The following GRIN2B variants were observed in gnomAD, a reference collection of about 807,000 sequenced individuals.
The protein encoded by GRIN2B is glutamate receptor ionotropic, NMDA 2B.
GRIN2B carries 5 observed loss-of-function variants against 114.5 expected under a neutral mutation model. The observed-to-expected ratio is 0.04, with a 90% CI of 0.02 to 0.09. The LOEUF (loss-of-function observed/expected upper bound fraction) is 0.09, where lower values mean the gene tolerates loss of function less well. Among genes scored for constraint, GRIN2B ranks in the 10% least tolerant of loss-of-function variants. The probability of loss-of-function intolerance (pLI) is 1.00; values close to 1 mark genes in which losing one functional copy is unlikely to be tolerated. For synonymous variants in GRIN2B, 787 were observed against 745.1 expected, an observed-to-expected ratio of 1.06 and a Z score of -0.92; for missense variants, 1,108 against 1,943.5, an observed-to-expected ratio of 0.57 and a Z score of 8.08.
rs1370487022 is a variant in GRIN2B, at chr12:13,541,596, T to G, written c.*21187A>C. The G allele has an allele frequency of 6.6e-6, 1 of 152,202 alleles. No individual in the cohort carries two copies. Among genetic ancestry groups the G allele is most frequent in the Non-Finnish European group, 1.5e-5 (1 of 68,040 alleles). 9.4% of individuals were successfully genotyped at this position (152,202 alleles called of 1,614,324 possible). On this transcript the variant is annotated 3_prime_UTR_variant, in exon 14 of 14. Coordinates refer to ENST00000609686, the MANE Select transcript of GRIN2B (RefSeq NM_000834.5). ...TATGACTGAGTTGGCTGTGATACCTTAAGAACTCAAGATGTGGCGTTAGAT... is the reference window on the plus strand; with the variant it reads ...TATGACTGAGTTGGCTGTGATACCTGAAGAACTCAAGATGTGGCGTTAGAT...
At chr12:13,570,269 A>G (rs1483920459) in intron 11 of GRIN2B, among the ~76,000 whole-genome samples, 1 of 152,228 alleles carries the variant, frequency 6.6e-6, no homozygotes, top group East Asian at 1.9e-4. Flanking sequence ...CCTGAAGCCA[A>G]CTCATAAACT....
chr12:13,715,029 C>G (rs116614693), intron 4 of GRIN2B, among the ~76,000 whole-genome samples: 4,510 of 151,884 alleles, frequency 0.03, 223 homozygotes, highest in African/African-American at 0.1. Context: ...TCTCGTAGTT[C>G]TTAGCGCATT....
chr12:13,963,657 C>T (rs1410551784), intron 2 of GRIN2B, among the ~76,000 whole-genome samples: 1 of 152,174 alleles, frequency 6.6e-6, no homozygotes, highest in Non-Finnish European at 1.5e-5. Flanking sequence ...CAAAGTCACT[C>T]GGTGGCAATT....
intron 2 of GRIN2B, among the ~76,000 whole-genome samples, chr12:13,977,669 G>C (rs1863049546): frequency 6.6e-6 from 1 of 152,038 alleles, no homozygotes; most frequent in Non-Finnish European, 1.5e-5. Context: ...TGCTGTGAGG[G>C]GGAAAAAGGG....
chr12:13,780,446 A>G (rs1181903279), intron 3 of GRIN2B, among the ~76,000 whole-genome samples: 1 of 152,336 alleles, frequency 6.6e-6, no homozygotes, highest in South Asian at 2.1e-4. Context: ...AGCAGTTGTC[A>G]TATCCATTCC....
chr12:13,621,248 T>C (rs989729400), intron 5 of GRIN2B, among the ~76,000 whole-genome samples: 1 of 152,086 alleles, frequency 6.6e-6, no homozygotes, highest in South Asian at 2.1e-4. Context: ...AGCAAACATC[T>C]TGAAAGTGCA....
At chr12:13,871,143 CAT>C (rs1865899005) in intron 2 of GRIN2B, among the ~76,000 whole-genome samples, 1 of 151,918 alleles carries the variant, frequency 6.6e-6, no homozygotes, top group Admixed American at 6.6e-5. Context: ...TTAACTAAGA[CAT>C]AAAAGATTTT....
In GRIN2B at chr12:13,562,144, A is replaced by G. The variant is rs200565873; in HGVS notation, c.*639T>C. Reference sequence around the variant, plus strand: ...TGTTCAAGAATCCACTCTGCCACCAATGACCTTTTGTTCTGTTCACCACCA... The same window carrying G: ...TGTTCAAGAATCCACTCTGCCACCAGTGACCTTTTGTTCTGTTCACCACCA... On this transcript the variant is annotated 3_prime_UTR_variant, in exon 14 of 14. Coordinates refer to ENST00000609686, the MANE Select transcript of GRIN2B (RefSeq NM_000834.5). 313 of 152,754 alleles carry G rather than the reference A, an allele frequency of 2.0e-3. No homozygotes were observed. Among genetic ancestry groups the G allele is most frequent in the African/African-American group, 7.2e-3 (299 of 41,564 alleles). The allele number at this position is 152,754 out of a possible 1,614,324, so 9.5% of individuals were successfully genotyped here.
intron 3 of GRIN2B, 71 bp downstream of exon 3, chr12:13,865,727 C>T (rs911689080): frequency 7.0e-5 from 90 of 1,286,448 alleles, no homozygotes; most frequent in Non-Finnish European, 9.1e-5. Flanking sequence ...TCAAGTTTTA[C>T]AGGAAAACAA....
intron 3 of GRIN2B, among the ~76,000 whole-genome samples, chr12:13,761,050 G>T (rs1313248336): frequency 6.6e-6 from 1 of 152,118 alleles, no homozygotes; most frequent in Non-Finnish European, 1.5e-5. Context: ...AACACACAAT[G>T]GAAGCATATT....
chr12:13,636,474 G>A lies in GRIN2B; in HGVS notation c.1126-19817C>T, dbSNP rs371541882. Among the ~76,000 whole-genome samples, 6 of 152,216 alleles carry A rather than the reference G, an allele frequency of 3.9e-5. No individual in the cohort carries two copies. In the East Asian group the frequency reaches 1.2e-3, roughly 29 times the overall value. On this transcript the variant is annotated intron_variant, in intron 5 of 13. Coordinates refer to ENST00000609686, the MANE Select transcript of GRIN2B (RefSeq NM_000834.5). ...CACAGGAATTGACTAAGGGGAGCAA[G>A]AGTGGATGCAAAAGACAAGGGAACA... is the stretch of plus-strand genomic sequence containing the variant.
At chr12:13,888,435 A>AC in intron 2 of GRIN2B, among the ~76,000 whole-genome samples, 1 of 38,452 alleles carries the variant, frequency 2.6e-5, no homozygotes, top group South Asian at 6.9e-4. Flanking sequence ...AGCATAAAAG[A>AC]TAAAAAAAAA....
At chr12:13,786,957 A>AG (rs1864233501) in intron 3 of GRIN2B, among the ~76,000 whole-genome samples, 3 of 151,872 alleles carry the variant, frequency 2.0e-5, no homozygotes, top group Admixed American at 2.0e-4. Context: ...GCTTCAAAGG[A>AG]GAAAAAAAAA....
At chr12:13,721,319 T>C (rs575896766) in intron 4 of GRIN2B, among the ~76,000 whole-genome samples, 1 of 152,040 alleles carries the variant, frequency 6.6e-6, no homozygotes, top group East Asian at 1.9e-4. Context: ...CAGGAGGCCA[T>C]TGAAAAATTT....
chr12:13,800,080 C>T (rs150727115), intron 3 of GRIN2B, among the ~76,000 whole-genome samples: 670 of 152,242 alleles, frequency 4.4e-3, no homozygotes, highest in Non-Finnish European at 7.0e-3. Context: ...CAAACCCAAC[C>T]GATGTGTGCC....
intron 12 of GRIN2B, among the ~76,000 whole-genome samples, chr12:13,567,702 A>G (rs913104423): frequency 6.6e-6 from 1 of 152,098 alleles, no homozygotes; most frequent in African/African-American, 2.4e-5. Context: ...ATGAATTTTA[A>G]TTTACATTGT....
chr12:13,836,903 G>A (rs1004917053), intron 3 of GRIN2B, among the ~76,000 whole-genome samples: 4 of 152,194 alleles, frequency 2.6e-5, no homozygotes, highest in South Asian at 4.1e-4. Context: ...AGCCCCGTAC[G>A]GCCCGGGGAA....
At chr12:13,690,245 C>G (rs1019768169) in intron 4 of GRIN2B, among the ~76,000 whole-genome samples, 1 of 151,306 alleles carries the variant, frequency 6.6e-6, no homozygotes, top group Non-Finnish European at 1.5e-5. Context: ...CATGCTACTT[C>G]CTCACTTCTC....
At chr12:13,980,907 C>G (rs1863122053) in intron 1 of GRIN2B, among the ~76,000 whole-genome samples, 1 of 152,124 alleles carries the variant, frequency 6.6e-6, no homozygotes, top group Non-Finnish European at 1.5e-5. Context: ...CGCGCACACA[C>G]GCCCCCGACG....
Sources: gnomAD v4.1 joint callset for allele counts (sites outside exome capture counted in the v4.1 genomes callset) on GRCh38, gnomAD v4.1.1 for gene constraint, MANE v1.5 for transcripts, NCBI Gene and HGNC (gene_info 2026-07-23, HGNC 2026-07-21) for gene names.